Variants in CTNND1 observed in about 807,000 individuals in gnomAD.
The protein encoded by CTNND1 is catenin delta-1.
A neutral mutation model predicts 112.1 loss-of-function variants in CTNND1; 16 were observed. The ratio of observed to expected loss-of-function variants is 0.14; its 90% CI spans 0.10 to 0.22. The LOEUF (loss-of-function observed/expected upper bound fraction) is 0.22, where lower values mean the gene tolerates loss of function less well. Among genes scored for constraint, CTNND1 ranks in the 10% least tolerant of loss-of-function variants. The probability of loss-of-function intolerance (pLI) is 1.00; values close to 1 mark genes in which losing one functional copy is unlikely to be tolerated. For missense variants in CTNND1, 1,008 were observed against 1,257.0 expected (o/e 0.80, Z 3.00); for synonymous variants, 420 against 446.5 (o/e 0.94, Z 0.75).
At chr11:57,815,874 T>G (rs753854256) in intron 19 of CTNND1, 41 bp from the exon 20 acceptor site, 9 of 1,538,154 alleles carry the variant, frequency 5.9e-6, no homozygotes, top group Non-Finnish European at 8.0e-6. Flanking sequence ...CTCATGAGGT[T>G]CCTGTCTCTA....
chr11:57,782,339 C>T (rs1037970239), intron 1 of CTNND1, among the ~76,000 whole-genome samples: 15 of 152,134 alleles, frequency 9.9e-5, no homozygotes, highest in African/African-American at 3.4e-4. Flanking sequence ...GAAAATAAGA[C>T]TTCTTTGGTC....
chr11:57,801,712 G>T lies in CTNND1; in HGVS notation c.957-21G>T, dbSNP rs749778678. Reference sequence around the variant, plus strand: ...CCATAATGACTTGATGTATTCTCTTGGTTCTTCCAAAACTTCTCAGGAGCT... The same window carrying T: ...CCATAATGACTTGATGTATTCTCTTTGTTCTTCCAAAACTTCTCAGGAGCT... On this transcript the variant is annotated intron_variant, in intron 6 of 20. Coordinates refer to ENST00000399050, the MANE Select transcript of CTNND1 (RefSeq NM_001085458.2). 1.3e-6 allele frequency: 2 copies of T among 1,591,704 alleles called. 1 individual carries two copies. Among genetic ancestry groups the T allele is most frequent in the South Asian group, 2.3e-5 (2 of 88,868 alleles).
At chr11:57,783,476 G>T (rs2059807015) in intron 1 of CTNND1, among the ~76,000 whole-genome samples, 1 of 151,958 alleles carries the variant, frequency 6.6e-6, no homozygotes, top group African/African-American at 2.4e-5. Context: ...TGGCTAACAC[G>T]GTGAAACCCC....
intron 2 of CTNND1, among the ~76,000 whole-genome samples, chr11:57,790,447 G>A (rs899280098): frequency 5.8e-5 from 8 of 137,958 alleles, no homozygotes; most frequent in East Asian, 2.0e-4. Context: ...GCAATGGCGC[G>A]ATCTTGGCTC....
At position 57,796,948 on chromosome 11, in the gene CTNND1, T is replaced by G; in HGVS notation, c.912T>G (p.Thr304=). Residue 304 remains threonine, a synonymous_variant, in exon 6 of 21, where the codon ACT becomes ACG. Transcript: ENST00000399050. ...ATGGTATGATGTCTGATTATGGCAC[T>G]GCCCGTCGGACTGGGACACCCTCTG... ...LDYGMMSDYG[T]ARRTGTPSDP... 3.3e-6 allele frequency: 5 copies of G among 1,536,984 alleles called. No individual in the cohort carries two copies. Among genetic ancestry groups the G allele is most frequent in the South Asian group, 1.2e-5 (1 of 80,664 alleles).
intron 3 of CTNND1, among the ~76,000 whole-genome samples, chr11:57,792,386 A>G (rs2060840589): frequency 1.3e-5 from 2 of 152,042 alleles, no homozygotes; most frequent in South Asian, 4.1e-4. Context: ...GCTGTGATGT[A>G]ATCTGTCTGA....
chr11:57,812,794 G>A (rs12284270), intron 17 of CTNND1, among the ~76,000 whole-genome samples: 7,485 of 152,174 alleles, frequency 0.049, 648 homozygotes, highest in African/African-American at 0.17. Flanking sequence ...TACATCCGGC[G>A]CTCAGCCACA....
intron 1 of CTNND1, among the ~76,000 whole-genome samples, chr11:57,763,542 T>C (rs1056786385): frequency 6.6e-6 from 1 of 152,206 alleles, no homozygotes; most frequent in African/African-American, 2.4e-5. Context: ...CTCCTTCAAA[T>C]ACAACCTAGG....
At chr11:57,805,850 T>C in intron 9 of CTNND1, 32 bp from the exon 10 acceptor site, 1 of 1,602,184 alleles carries the variant, frequency 6.2e-7, no homozygotes. Context: ...ATAGACATTC[T>C]TTTTTCTCAT....
intron 1 of CTNND1, chr11:57,781,571 G>A (rs1190165417): frequency 2.0e-5 from 3 of 151,804 alleles, no homozygotes; most frequent in South Asian, 4.2e-4. Context: ...TTTCCTTATC[G>A]GCCTCTCCCT....
intron 1 of CTNND1, among the ~76,000 whole-genome samples, chr11:57,774,334 G>C (rs1257465439): frequency 6.6e-6 from 1 of 152,190 alleles, no homozygotes; most frequent in Non-Finnish European, 1.5e-5. Flanking sequence ...GGCCATCTAA[G>C]ATGTTTTAAA....
chr11:57,791,295 A>G (rs2136678918), intron 2 of CTNND1, 90 bp from the exon 3 acceptor site: 1 of 1,141,724 alleles, frequency 8.8e-7, no homozygotes, highest in East Asian at 3.2e-5. Flanking sequence ...TAAAACCACG[A>G]GAGGGCATCT....
intron 7 of CTNND1, among the ~76,000 whole-genome samples, chr11:57,803,006 C>T (rs1300106805): frequency 1.3e-5 from 2 of 152,180 alleles, no homozygotes; most frequent in African/African-American, 2.4e-5. Context: ...ATAGACAAGA[C>T]AGCTCCTCAT....
chr11:57,797,311 A>G (rs2061445900), intron 6 of CTNND1, among the ~76,000 whole-genome samples: 1 of 148,408 alleles, frequency 6.7e-6, no homozygotes. Flanking sequence ...GCTCACTGCC[A>G]CCTCCGCCTC....
rs574852656 is a variant in CTNND1, at chr11:57,806,033, A to G, written c.1874A>G (p.Lys625Arg). 1.9e-6 allele frequency: 3 copies of G among 1,609,922 alleles called. No homozygotes were observed. The East Asian group carries it at 6.7e-5, about 36-fold the overall frequency. Residue 625 changes from lysine to arginine, a missense_variant and splice_region_variant, in exon 10 of 21, where the codon AAA (lysine) becomes AGA (arginine). Coordinates refer to ENST00000399050, the MANE Select transcript of CTNND1 (RefSeq NM_001085458.2). ...AASCFGAKKG[K>R]DEWFSRGKKP... ...AGTTGCTTTGGGGCCAAGAAGGGCAAAGGTGAGTCTTGGTTCCTGTTTCTT... is the reference window on the plus strand; with the variant it reads ...AGTTGCTTTGGGGCCAAGAAGGGCAGAGGTGAGTCTTGGTTCCTGTTTCTT...
intron 11 of CTNND1, 136 bp downstream of exon 11, chr11:57,806,614 G>C (rs1176744922): frequency 1.1e-5 from 9 of 807,850 alleles, no homozygotes; most frequent in East Asian, 2.7e-5. Context: ...ACTGAAACAA[G>C]TTTAGCTCTT....
Position 57,816,505 on chromosome 11 carries a change from T to G in CTNND1, c.*197T>G, listed in dbSNP as rs909414635. 5 of 612,062 alleles carry G rather than the reference T, an allele frequency of 8.2e-6. No homozygotes were observed. The highest frequency in any genetic ancestry group is 7.4e-5 in the African/African-American group (4 of 53,918). 37.9% of individuals were successfully genotyped at this position (612,062 alleles called of 1,614,324 possible). A position where few individuals can be genotyped will look rare whatever the true frequency, so the allele number is the denominator to read the frequency against. On this transcript the variant is annotated 3_prime_UTR_variant, in exon 21 of 21. Transcript: ENST00000399050. Reference sequence around the variant, plus strand: ...TGTGAAGTTTAATTGTCTCAACGCCTCCCCCTCCCCCATTCCCTCCATTTT... The same window carrying G: ...TGTGAAGTTTAATTGTCTCAACGCCGCCCCCTCCCCCATTCCCTCCATTTT...
chr11:57,812,515 C>T (rs1002903170), intron 17 of CTNND1, among the ~76,000 whole-genome samples: 2 of 151,516 alleles, frequency 1.3e-5, no homozygotes, highest in African/African-American at 2.4e-5. Context: ...GTTGAGACTC[C>T]GTATCAAAAG....
chr11:57,815,623 G>A, intron 19 of CTNND1, 123 bp downstream of exon 19: 1 of 932,958 alleles, frequency 1.1e-6, no homozygotes. Context: ...GGGGTTTTCA[G>A]GAAAAAGTAA....
Sources: allele counts gnomAD v4.1 joint callset (sites outside exome capture counted in the v4.1 genomes callset), GRCh38; gene constraint gnomAD v4.1.1; transcripts MANE v1.5; gene names NCBI Gene and HGNC (gene_info 2026-07-23, HGNC 2026-07-21).